Variants in CDH18 observed in about 807,000 individuals in gnomAD.
CDH18 encodes cadherin-18.
Under a neutral mutation model 67.9 loss-of-function variants are expected in CDH18, and 31 were observed. That is an observed-to-expected ratio of 0.46 (90% confidence interval 0.34 to 0.62). The LOEUF (loss-of-function observed/expected upper bound fraction) is 0.62. CDH18 is among the 20% of genes least tolerant of loss of function. The pLI, the probability that CDH18 is intolerant of heterozygous loss-of-function variation, is 0.01. For missense variants in CDH18, 890 were observed against 975.5 expected, an observed-to-expected ratio of 0.91 and a Z score of 1.17; for synonymous variants, 362 against 347.2, an observed-to-expected ratio of 1.04 and a Z score of -0.48.
intron 5 of CDH18, among the ~76,000 whole-genome samples, chr5:19,653,559 A>G (rs761612152): frequency 6.6e-6 from 1 of 152,078 alleles, no homozygotes; most frequent in Non-Finnish European, 1.5e-5. Flanking sequence ...GTGGCACCTT[A>G]CTTAGAACTT....
At chr5:20,170,333 T>C (rs2126643272) in intron 2 of CDH18, among the ~76,000 whole-genome samples, 1 of 152,244 alleles carries the variant, frequency 6.6e-6, no homozygotes, top group Admixed American at 6.5e-5. Flanking sequence ...CAGCTCCATC[T>C]ATGTCCCTGC....
chr5:20,526,431 G>C (rs1421819688), intron 1 of CDH18, among the ~76,000 whole-genome samples: 5 of 152,106 alleles, frequency 3.3e-5, no homozygotes, highest in Non-Finnish European at 7.3e-5. Context: ...CATCCATAAG[G>C]GGGGCTTTGA....
chr5:20,513,218 G>C (rs1461342028), intron 1 of CDH18, among the ~76,000 whole-genome samples: 1 of 152,160 alleles, frequency 6.6e-6, no homozygotes, highest in African/African-American at 2.4e-5. Context: ...GCTGCTAAAT[G>C]TGAAGATTCC....
At chr5:20,302,319 C>T (rs953647317) in intron 1 of CDH18, among the ~76,000 whole-genome samples, 4 of 152,034 alleles carry the variant, frequency 2.6e-5, no homozygotes, top group Non-Finnish European at 4.4e-5. Context: ...CGGGCAGGGC[C>T]GGTATTAACA....
intron 1 of CDH18, among the ~76,000 whole-genome samples, chr5:20,432,340 T>C (rs565978066): frequency 6.6e-6 from 1 of 152,222 alleles, no homozygotes; most frequent in Non-Finnish European, 1.5e-5. Flanking sequence ...ATAATGTGAT[T>C]GTCAGACTGG....
At chr5:20,272,462 A>T (rs1019591811) in intron 1 of CDH18, among the ~76,000 whole-genome samples, 1 of 152,044 alleles carries the variant, frequency 6.6e-6, no homozygotes, top group Admixed American at 6.6e-5. Flanking sequence ...GTTTTCTTAG[A>T]TTAGAAAAAA....
At chr5:20,078,521 G>T (rs769803306) in intron 2 of CDH18, among the ~76,000 whole-genome samples, 8 of 151,802 alleles carry the variant, frequency 5.3e-5, no homozygotes, top group Admixed American at 2.6e-4. Context: ...AGAACTTAAG[G>T]GAAAACAGAT....
chr5:19,941,776 A>T (rs1230560498), intron 2 of CDH18, among the ~76,000 whole-genome samples: 1 of 151,858 alleles, frequency 6.6e-6, no homozygotes, highest in African/African-American at 2.4e-5. Flanking sequence ...GACAGAGCAA[A>T]ACCCTGCCTC....
At chr5:20,340,493 T>A (rs1394890881) in intron 1 of CDH18, among the ~76,000 whole-genome samples, 2 of 152,150 alleles carry the variant, frequency 1.3e-5, no homozygotes, top group Non-Finnish European at 2.9e-5. Context: ...TAAGAAGGAT[T>A]GTCCAGGCAG....
intron 3 of CDH18, among the ~76,000 whole-genome samples, chr5:19,788,282 A>T (rs892891740): frequency 6.6e-6 from 1 of 152,204 alleles, no homozygotes; most frequent in Non-Finnish European, 1.5e-5. Context: ...AATGATGGAG[A>T]TAACTTGAAA....
intron 1 of CDH18, among the ~76,000 whole-genome samples, chr5:20,410,222 T>C (rs1437491451): frequency 6.6e-6 from 1 of 151,602 alleles, no homozygotes; most frequent in African/African-American, 2.4e-5. Context: ...TTAATACACA[T>C]ACAAAAGTCT....
chr5:20,564,239 T>C (rs1257793110), intron 1 of CDH18, among the ~76,000 whole-genome samples: 1 of 138,760 alleles, frequency 7.2e-6, no homozygotes, highest in African/African-American at 2.6e-5. Flanking sequence ...CCCACAATTA[T>C]TTCTTGCATT....
At chr5:20,358,765 G>A (rs1265497158) in intron 1 of CDH18, among the ~76,000 whole-genome samples, 2 of 151,830 alleles carry the variant, frequency 1.3e-5, no homozygotes, top group African/African-American at 4.8e-5. Context: ...TTAGAAGCTG[G>A]TCCCAATATA....
chr5:20,431,738 A>G lies in CDH18; in HGVS notation c.-580+143724T>C, dbSNP rs555657037. Among the ~76,000 whole-genome samples the G allele has an allele frequency of 5.3e-5, 8 of 152,302 alleles. No individual in the cohort carries two copies. The South Asian group carries it at 1.7e-3, about 32-fold the overall frequency. On this transcript the variant is annotated intron_variant, in intron 1 of 14. Transcript: ENST00000507958. Reference sequence around the variant, plus strand: ...AAGTTCTCTGTTCATTTTGCTGGGCAGAACTCTGAACCTCTTCTGATTCTG... The same window carrying G: ...AAGTTCTCTGTTCATTTTGCTGGGCGGAACTCTGAACCTCTTCTGATTCTG...
chr5:20,569,299 A>G (rs1024094528), intron 1 of CDH18, among the ~76,000 whole-genome samples: 1 of 152,182 alleles, frequency 6.6e-6, no homozygotes, highest in African/African-American at 2.4e-5. Flanking sequence ...AGCTTGTACT[A>G]CGAGCCAATA....
rs189306206 is a variant in CDH18 at position 20,331,675 on chromosome 5, A to C, written c.-579-76170T>G. On this transcript the variant is annotated intron_variant, in intron 1 of 14. Coordinates refer to the CDH18 transcript ENST00000507958. ...CTCAGGAGTATTTTATTGACAAGGTAATCTTTGAGACCAGGGGGTCCTCCT... is the reference window on the plus strand; with the variant it reads ...CTCAGGAGTATTTTATTGACAAGGTCATCTTTGAGACCAGGGGGTCCTCCT... 4.6e-5 allele frequency among the ~76,000 whole-genome samples: 7 copies of C among 152,246 alleles called. No homozygotes were observed. The East Asian group carries it at 1.4e-3, about 29-fold the overall frequency.
At chr5:19,537,899 A>G (rs1580083840) in intron 9 of CDH18, among the ~76,000 whole-genome samples, 1 of 152,324 alleles carries the variant, frequency 6.6e-6, no homozygotes, top group East Asian at 1.9e-4. Context: ...ATTATAAAGT[A>G]CCCAATACCA....
chr5:19,865,333 G>A (rs957990646), intron 2 of CDH18, among the ~76,000 whole-genome samples: 2 of 151,958 alleles, frequency 1.3e-5, no homozygotes, highest in African/African-American at 2.4e-5. Flanking sequence ...AACTTGAAAA[G>A]CTGCTTGATG....
chr5:20,364,803 T>C (rs1407768494), intron 1 of CDH18, among the ~76,000 whole-genome samples: 1 of 152,168 alleles, frequency 6.6e-6, no homozygotes, highest in East Asian at 1.9e-4. Context: ...TTACATATAA[T>C]AGTATTAACA....
Sources: gnomAD v4.1 joint callset for allele counts (sites outside exome capture counted in the v4.1 genomes callset) on GRCh38, gnomAD v4.1.1 for gene constraint, MANE v1.5 for transcripts, NCBI Gene and HGNC (gene_info 2026-07-23, HGNC 2026-07-21) for gene names.